Variants in TLL2 observed in about 807,000 individuals in gnomAD.
The protein encoded by TLL2 is tolloid like 2, also known as tolloid-like protein 2.
In TLL2, 106 loss-of-function variants were observed where a neutral mutation model predicts 123.0. The ratio of observed to expected loss-of-function variants is 0.86; its 90% confidence interval spans 0.74 to 1.01. The LOEUF is 1.01. Among genes scored for constraint, TLL2 ranks in the 50% least tolerant of loss-of-function variants. The pLI is 0.00. For synonymous variants in TLL2, 494 were observed against 516.8 expected, an observed-to-expected ratio of 0.96 and a Z score of 0.60; for missense variants, 1,332 against 1,336.7, an observed-to-expected ratio of 1.00 and a Z score of 0.06.
chr10:96,413,441 C>G (rs1228499236), intron 7 of TLL2, 125 bp from the exon 8 acceptor site: 2 of 1,214,084 alleles, frequency 1.6e-6, no homozygotes, highest in African/African-American at 3.0e-5. Context: ...GCCAGCCTCT[C>G]CCAGGCTGGC....
chr10:96,472,874 T>C (rs1013340770), intron 2 of TLL2, among the ~76,000 whole-genome samples: 1 of 152,230 alleles, frequency 6.6e-6, no homozygotes, highest in Non-Finnish European at 1.5e-5. Flanking sequence ...TAAATCCAAG[T>C]TCTCTGATTC....
chr10:96,403,971 T>C (rs537421481), intron 10 of TLL2, among the ~76,000 whole-genome samples: 2 of 136,528 alleles, frequency 1.5e-5, no homozygotes, highest in South Asian at 2.4e-4. Context: ...TACCTTCCCT[T>C]GAACTTAATT....
At chr10:96,497,219 G>A (rs1847486608) in intron 1 of TLL2, among the ~76,000 whole-genome samples, 1 of 152,162 alleles carries the variant, frequency 6.6e-6, no homozygotes, top group Non-Finnish European at 1.5e-5. Context: ...GAACCTGTGA[G>A]GCAGAGGTTG....
At chr10:96,400,628 C>T (rs926001388) in intron 10 of TLL2, among the ~76,000 whole-genome samples, 6 of 152,184 alleles carry the variant, frequency 3.9e-5, no homozygotes, top group African/African-American at 9.7e-5. Flanking sequence ...CCTGAGTAGC[C>T]GGGCCACACG....
intron 9 of TLL2, among the ~76,000 whole-genome samples, chr10:96,407,550 C>T (rs1196286168): frequency 6.6e-6 from 1 of 152,172 alleles, no homozygotes; most frequent in Non-Finnish European, 1.5e-5. Context: ...GCCTGGCACA[C>T]CATAGGCACT....
At chr10:96,488,372 G>A (rs1847377073) in intron 1 of TLL2, among the ~76,000 whole-genome samples, 1 of 152,218 alleles carries the variant, frequency 6.6e-6, no homozygotes, top group Admixed American at 6.5e-5. Context: ...CGCAGCACCT[G>A]CGGGAAGCCC....
chr10:96,381,778 G>C (rs1164261831), intron 16 of TLL2, among the ~76,000 whole-genome samples: 1 of 152,190 alleles, frequency 6.6e-6, no homozygotes, highest in East Asian at 1.9e-4. Context: ...CAGCAGCTCT[G>C]AGCCTAGTAG....
At chr10:96,391,107 G>A (rs1186246524) in intron 13 of TLL2, among the ~76,000 whole-genome samples, 1 of 152,186 alleles carries the variant, frequency 6.6e-6, no homozygotes, top group Non-Finnish European at 1.5e-5. Flanking sequence ...GCACGAGGCT[G>A]TGGTCGCTCA....
intron 15 of TLL2, 113 bp downstream of exon 15, chr10:96,385,941 TC>T: frequency 8.5e-7 from 1 of 1,182,464 alleles, no homozygotes; most frequent in South Asian, 2.0e-5. Context: ...CCTAAGACTG[TC>T]CAAAGCTTCA....
intron 1 of TLL2, among the ~76,000 whole-genome samples, chr10:96,507,026 T>C (rs1847585913): frequency 6.6e-6 from 1 of 152,144 alleles, no homozygotes. Context: ...CTCTGGGGGC[T>C]GTGCTGAGGG....
chr10:96,391,059 T>C (rs902860491), intron 13 of TLL2, among the ~76,000 whole-genome samples: 1 of 152,248 alleles, frequency 6.6e-6, no homozygotes, highest in African/African-American at 2.4e-5. Context: ...ATGTGGCTTC[T>C]GGTTGTGCCT....
Position 96,387,067 on chromosome 10 carries a change from A to G in TLL2, c.1738T>C (p.Cys580Arg), listed in dbSNP as rs1347243076. 6.2e-7 allele frequency: 1 copy of G among 1,613,068 alleles called. No individual in the cohort carries two copies. The highest frequency in any genetic ancestry group is 1.7e-5 in the Admixed American group (1 of 60,004). ...AANFFKEVDE[C>R]SWPDHGGCEH... ...CACCCGCCGTGATCTGGCCAGGAAC[A>G]CTCATCCACCTCTGGTGGGGAAGGA... Residue 580 changes from cysteine to arginine, a missense_variant, in exon 14 of 21, where the codon TGT becomes CGT. Coordinates refer to ENST00000357947, the MANE Select transcript of TLL2 (RefSeq NM_012465.4).
chr10:96,402,691 C>T (rs1369134866), intron 10 of TLL2, among the ~76,000 whole-genome samples: 2 of 152,192 alleles, frequency 1.3e-5, no homozygotes, highest in Admixed American at 6.5e-5. Context: ...TCACTTTCTT[C>T]GCTTGTCTAC....
chr10:96,437,735 G>C (rs1272733596), intron 3 of TLL2, among the ~76,000 whole-genome samples: 3 of 152,134 alleles, frequency 2.0e-5, no homozygotes, highest in Non-Finnish European at 2.9e-5. Context: ...TGTATGAATA[G>C]TTTATTTTTA....
At chr10:96,431,314 G>A (rs768463566) in intron 4 of TLL2, among the ~76,000 whole-genome samples, 3 of 152,118 alleles carry the variant, frequency 2.0e-5, no homozygotes, top group African/African-American at 4.8e-5. Flanking sequence ...CTAGGAAGCC[G>A]TGGGTTAATG....
rs567951984 is a variant in TLL2, at chr10:96,374,224, G to C, written c.2449-415C>G. 1.5e-4 allele frequency: 32 copies of C among 215,244 alleles called. 1 individual carries two copies. In the South Asian group the frequency reaches 2.6e-3, roughly 18 times the overall value. 13.3% of individuals were successfully genotyped at this position (215,244 alleles called of 1,614,324 possible). ...CCAGCAAGGGCTGAGTGCCCACTCTGTCGGCAGCTGTTTTAAATGCTTTAC... is the reference window on the plus strand; with the variant it reads ...CCAGCAAGGGCTGAGTGCCCACTCTCTCGGCAGCTGTTTTAAATGCTTTAC... On this transcript the variant is annotated intron_variant, in intron 18 of 20. Transcript: ENST00000357947.
intron 8 of TLL2, 98 bp from the exon 9 acceptor site, chr10:96,410,572 A>T (rs1236172793): frequency 1.1e-6 from 1 of 904,900 alleles, no homozygotes. Flanking sequence ...CCCCTTTGCC[A>T]GCCAAAGCCC....
At chr10:96,431,155 C>T (rs1006023740) in intron 4 of TLL2, among the ~76,000 whole-genome samples, 14 of 152,106 alleles carry the variant, frequency 9.2e-5, no homozygotes, top group Admixed American at 8.5e-4. Flanking sequence ...AGTTAGGATA[C>T]CAAGGAACAA....
At chr10:96,404,052 C>T (rs200113867) in intron 10 of TLL2, among the ~76,000 whole-genome samples, 22,519 of 150,990 alleles carry the variant, frequency 0.15, 2,049 homozygotes, top group East Asian at 0.48. Flanking sequence ...TCTCCTACTA[C>T]ATTCCTTTTT....
Sources: allele counts gnomAD v4.1 joint callset (sites outside exome capture counted in the v4.1 genomes callset), GRCh38; gene constraint gnomAD v4.1.1; transcripts MANE v1.5; gene names NCBI Gene and HGNC (gene_info 2026-07-23, HGNC 2026-07-21).